Variants in SEL1L2 observed in about 807,000 individuals in gnomAD.
SEL1L2 encodes protein sel-1 homolog 2.
SEL1L2 carries 89 observed loss-of-function variants against 98.8 expected under a neutral mutation model. The ratio of observed to expected loss-of-function variants is 0.90; its 90% CI spans 0.76 to 1.07. The LOEUF (loss-of-function observed/expected upper bound fraction) is 1.07, where lower values mean the gene tolerates loss of function less well. Among genes scored for constraint, SEL1L2 ranks in the 50% least tolerant of loss-of-function variants. SEL1L2 has a pLI of 0.00. For missense variants in SEL1L2, 788 were observed against 812.0 expected, an observed-to-expected ratio of 0.97 and a Z score of 0.36; for synonymous variants, 262 against 278.5, an observed-to-expected ratio of 0.94 and a Z score of 0.59.
At chr20:13,895,659 A>G (rs1390002812) in intron 5 of SEL1L2, among the ~76,000 whole-genome samples, 1 of 152,250 alleles carries the variant, frequency 6.6e-6, no homozygotes. Flanking sequence ...AATGGTAAAA[A>G]ACTGAATGCT....
chr20:13,849,324 G>C lies in SEL1L2; in HGVS notation c.*161C>G, dbSNP rs1987823685. 3 of 859,680 alleles carry C rather than the reference G, an allele frequency of 3.5e-6. No individual in the cohort carries two copies. In the Admixed American group the frequency reaches 8.5e-5, roughly 24 times the overall value. 53.3% of individuals were successfully genotyped at this position (859,680 alleles called of 1,614,324 possible). A position where few individuals can be genotyped will look rare whatever the true frequency, so the allele number is the denominator to read the frequency against. On this transcript the variant is annotated 3_prime_UTR_variant, in exon 20 of 20. Transcript: ENST00000284951. The stretch of plus-strand genomic sequence containing the variant: ...TTCTCTACTAAGCAGGAAGTCTGAA[G>C]TTGTTTCTCTAGGATGGTCCCCAAG...
At chr20:13,986,697 A>G (rs565830186) in intron 1 of SEL1L2, among the ~76,000 whole-genome samples, 2 of 152,330 alleles carry the variant, frequency 1.3e-5, no homozygotes, top group East Asian at 3.9e-4. Flanking sequence ...GCTCTAATGA[A>G]TAATGCTTCT....
intron 3 of SEL1L2, among the ~76,000 whole-genome samples, chr20:13,919,795 A>G (rs2048571218): frequency 6.6e-6 from 1 of 151,868 alleles, no homozygotes; most frequent in African/African-American, 2.4e-5. Context: ...GCGTGGTGGC[A>G]CACACCTGTA....
rs764123285 is a variant in SEL1L2, at chr20:13,876,035, T to A, written c.1104+3A>T. On this transcript the variant is annotated splice_donor_region_variant and intron_variant, in intron 12 of 19. Coordinates refer to ENST00000284951, the MANE Select transcript of SEL1L2 (RefSeq NM_025229.2). ...TGTTTACAACAGTGCATTGAGGACATACCTTACTGGCTGCCATGGAAAAGT... is the reference window on the plus strand; with the variant it reads ...TGTTTACAACAGTGCATTGAGGACAAACCTTACTGGCTGCCATGGAAAAGT... 1 of 1,610,996 alleles carries A rather than the reference T, an allele frequency of 6.2e-7. No homozygotes were observed. Among genetic ancestry groups the A allele is most frequent in the South Asian group, 1.1e-5 (1 of 91,018 alleles).
intron 11 of SEL1L2, among the ~76,000 whole-genome samples, chr20:13,877,241 C>T (rs181965106): frequency 6.6e-6 from 1 of 152,232 alleles, no homozygotes; most frequent in Non-Finnish European, 1.5e-5. Context: ...AGATGTCCCA[C>T]TTAGCCGCTT....
rs1422941205 is a variant in SEL1L2, at chr20:13,869,506, A to G, written c.1252T>C (p.Tyr418His). 1 of 1,611,372 alleles carries G rather than the reference A, an allele frequency of 6.2e-7. No individual in the cohort carries two copies. The highest frequency in any genetic ancestry group is 1.3e-5 in the African/African-American group (1 of 74,992). ...DAQFQLGFMY[Y>H]SGSGIWKDYK... ...CAGCTGTATTTGTGGCACTTACAGT[A>G]GTACATGAAGCCTAACTGGAACTGT... The change falls in exon 14 of 20, where the codon TAC becomes CAC. Residue 418 changes from tyrosine (Y) to histidine (H), a missense_variant. Transcript: ENST00000284951.
chr20:13,947,378 C>A (rs1403484505), intron 2 of SEL1L2, among the ~76,000 whole-genome samples: 1 of 152,158 alleles, frequency 6.6e-6, no homozygotes, highest in African/African-American at 2.4e-5. Context: ...ATGGGAGCTA[C>A]CCACTCTGAA....
At chr20:13,959,172 AATC>A (rs1271819606) in intron 1 of SEL1L2, among the ~76,000 whole-genome samples, 1 of 152,126 alleles carries the variant, frequency 6.6e-6, no homozygotes, top group Non-Finnish European at 1.5e-5. Flanking sequence ...AGATTTGAAA[AATC>A]ATCATTTTAA....
chr20:13,872,276 C>T (rs2046237975), intron 12 of SEL1L2, among the ~76,000 whole-genome samples: 1 of 152,052 alleles, frequency 6.6e-6, no homozygotes, highest in Admixed American at 6.6e-5. Flanking sequence ...AATTGTAGTT[C>T]CTATAATCCC....
At chr20:13,956,174 C>G in intron 1 of SEL1L2, 43 bp from the exon 2 acceptor site, 1 of 1,060,246 alleles carries the variant, frequency 9.4e-7, no homozygotes, top group Non-Finnish European at 1.4e-6. Flanking sequence ...AAAGCATTTT[C>G]TTTTTAAAAT....
intron 5 of SEL1L2, among the ~76,000 whole-genome samples, chr20:13,909,827 G>A (rs1213732215): frequency 5.3e-5 from 8 of 152,058 alleles, no homozygotes; most frequent in Admixed American, 4.6e-4. Flanking sequence ...TTAGCCAGGT[G>A]TGGTGGCACA....
Position 13,906,753 on chromosome 20 carries a change from A to G in SEL1L2, c.549+7029T>C, listed in dbSNP as rs576375357. ...GAGTGCAGTGGCCCCATCTAGGCTCACTGCAACCTCTGCCTCCCAGGTTCC... is the reference window on the plus strand; with the variant it reads ...GAGTGCAGTGGCCCCATCTAGGCTCGCTGCAACCTCTGCCTCCCAGGTTCC... On this transcript the variant is annotated intron_variant, in intron 5 of 19. Transcript: ENST00000284951. Among the ~76,000 whole-genome samples the G allele has an allele frequency of 1.1e-4, 16 of 152,292 alleles. No individual in the cohort carries two copies. The East Asian group carries it at 3.1e-3, about 29-fold the overall frequency.
chr20:13,888,373 G>C, intron 6 of SEL1L2, 86 bp downstream of exon 6: 1 of 845,380 alleles, frequency 1.2e-6, no homozygotes, highest in Admixed American at 2.5e-5. Context: ...ACTAGAGTGA[G>C]CCCCTTTACT....
At position 13,952,755 on chromosome 20, in the gene SEL1L2, C is replaced by A. The variant is rs557955507; in HGVS notation, c.114+3321G>T. On this transcript the variant is annotated intron_variant, in intron 2 of 19. Coordinates refer to ENST00000284951, the MANE Select transcript of SEL1L2 (RefSeq NM_025229.2). ...TTTTAAAAAAGCCTCCTTGGCTGGG[C>A]GCGGTGCCTGGACGCCTGTAATCCC... Among the ~76,000 whole-genome samples, 5 of 71,188 alleles carry A rather than the reference C, an allele frequency of 7.0e-5. No homozygotes were observed. In the South Asian group the frequency reaches 2.6e-3, roughly 37 times the overall value. 46.7% of individuals were successfully genotyped at this position (71,188 alleles called of 152,430 possible).
intron 5 of SEL1L2, among the ~76,000 whole-genome samples, chr20:13,892,997 C>A (rs1462811296): frequency 2.8e-4 from 42 of 152,176 alleles, no homozygotes; most frequent in Non-Finnish European, 4.4e-5. Context: ...TTTTCCACAA[C>A]CAAGTCAAAG....
intron 10 of SEL1L2, among the ~76,000 whole-genome samples, chr20:13,884,729 A>C (rs1158409318): frequency 6.6e-6 from 1 of 151,730 alleles, no homozygotes; most frequent in Non-Finnish European, 1.5e-5. Flanking sequence ...GGATGGACTC[A>C]ATATCCTGAT....
At chr20:13,908,081 C>G (rs532588702) in intron 5 of SEL1L2, among the ~76,000 whole-genome samples, 1 of 138,100 alleles carries the variant, frequency 7.2e-6, no homozygotes, top group East Asian at 2.2e-4. Flanking sequence ...GCCACCATGC[C>G]TGGCTGATCA....
intron 3 of SEL1L2, among the ~76,000 whole-genome samples, chr20:13,925,288 T>G (rs1007540318): frequency 3.3e-5 from 5 of 152,212 alleles, no homozygotes; most frequent in Admixed American, 3.3e-4. Context: ...GTTGCTTCTG[T>G]CAGGTTTCCA....
At chr20:13,903,391 T>C (rs533059455) in intron 5 of SEL1L2, among the ~76,000 whole-genome samples, 2 of 152,280 alleles carry the variant, frequency 1.3e-5, no homozygotes, top group South Asian at 4.1e-4. Flanking sequence ...TAAAAGTCTG[T>C]TTGGGTGTTT....
Sources: gnomAD v4.1 joint callset for allele counts (sites outside exome capture counted in the v4.1 genomes callset) on GRCh38, gnomAD v4.1.1 for gene constraint, MANE v1.5 for transcripts, NCBI Gene and HGNC (gene_info 2026-07-23, HGNC 2026-07-21) for gene names.